FER: variants seen among roughly 807,000 people sequenced by gnomAD.
FER encodes the protein tyrosine-protein kinase Fer.
FER carries 63 observed loss-of-function variants against 111.0 expected under a neutral mutation model. The observed-to-expected ratio is 0.57, with a 90% CI of 0.46 to 0.70. FER has a LOEUF of 0.70. FER is among the 30% of genes least tolerant of loss of function. The pLI is 0.00. For missense variants in FER, 914 were observed against 954.0 expected (o/e 0.96, Z 0.55); for synonymous variants, 327 against 313.9 (o/e 1.04, Z -0.44).
chr5:108,996,454 G>T (rs886804897), intron 13 of FER, among the ~76,000 whole-genome samples: 1 of 152,150 alleles, frequency 6.6e-6, no homozygotes, highest in African/African-American at 2.4e-5. Flanking sequence ...TGTAAGGAAG[G>T]GGTCCAGTTT....
Position 108,790,158 on chromosome 5 carries a change from A to C in FER, c.-59-7966A>C, listed in dbSNP as rs575374474. Among the ~76,000 whole-genome samples the C allele has an allele frequency of 8.6e-5, 13 of 151,916 alleles. No homozygotes were observed. The South Asian group carries it at 2.7e-3, about 32-fold the overall frequency. ...ATGTGCTATTATTGTGCCTGTGAAT[A>C]GCCACTGCACTCCAGCCTGGACAAC... On this transcript the variant is annotated intron_variant, in intron 2 of 19. Coordinates refer to ENST00000281092, the MANE Select transcript of FER (RefSeq NM_005246.4).
chr5:108,849,344 C>G lies in FER; in HGVS notation c.481+13537C>G, dbSNP rs116302538. On this transcript the variant is annotated intron_variant, in intron 5 of 19. Coordinates refer to ENST00000281092, the MANE Select transcript of FER (RefSeq NM_005246.4). Reference sequence around the variant, plus strand: ...CCTAATGCTCTGATAATTTTTTTCCCCTTGTCTTTTTTTTGTTTCATTTTG... The same window carrying G: ...CCTAATGCTCTGATAATTTTTTTCCGCTTGTCTTTTTTTTGTTTCATTTTG... Among the ~76,000 whole-genome samples, 932 of 151,950 alleles carry G rather than the reference C, an allele frequency of 6.1e-3. 16 individuals are homozygous for G. The highest frequency in any genetic ancestry group is 0.022 in the African/African-American group (898 of 41,440).
intron 10 of FER, among the ~76,000 whole-genome samples, chr5:108,925,148 A>AAT (rs1753560574): frequency 1.3e-5 from 2 of 150,622 alleles, no homozygotes; most frequent in African/African-American, 4.9e-5. Flanking sequence ...CAGATTTTAA[A>AAT]CTGAGCCATG....
chr5:109,171,631 T>C (rs1385494633), intron 17 of FER, among the ~76,000 whole-genome samples: 4 of 152,192 alleles, frequency 2.6e-5, no homozygotes, highest in African/African-American at 4.8e-5. Flanking sequence ...TTTTAAGTTA[T>C]GTTATTTGTC....
At chr5:109,137,271 A>G (rs1752996913) in intron 17 of FER, among the ~76,000 whole-genome samples, 1 of 152,160 alleles carries the variant, frequency 6.6e-6, no homozygotes, top group Non-Finnish European at 1.5e-5. Flanking sequence ...AGAAAAAAGG[A>G]TGGACAAGAG....
At chr5:108,833,038 C>A in intron 4 of FER, 95 bp downstream of exon 4, 1 of 1,062,704 alleles carries the variant, frequency 9.4e-7, no homozygotes, top group Non-Finnish European at 1.4e-6. Context: ...GTTTATTCAT[C>A]ATTTCCCAAC....
rs115413320 is a variant in FER at position 108,882,440 on chromosome 5, C to T, written c.924-956C>T. On this transcript the variant is annotated intron_variant, in intron 8 of 19. Transcript: ENST00000281092. The stretch of plus-strand genomic sequence containing the variant: ...ATTTAATTTTTTCATGGTGAACTTC[C>T]GTTGTGTTAAGCATATGAACTTCAT... Among the ~76,000 whole-genome samples the T allele has an allele frequency of 6.2e-3, 941 of 151,556 alleles. 16 individuals carry two copies. Among genetic ancestry groups the T allele is most frequent in the African/African-American group, 0.022 (906 of 41,350 alleles).
chr5:109,043,766 A>T (rs1424093712), intron 14 of FER, among the ~76,000 whole-genome samples: 1 of 152,126 alleles, frequency 6.6e-6, no homozygotes, highest in Non-Finnish European at 1.5e-5. Context: ...AGGTCAAGAG[A>T]TCGAGACCAT....
intron 5 of FER, among the ~76,000 whole-genome samples, chr5:108,866,950 A>G (rs189913623): frequency 3.3e-4 from 51 of 152,308 alleles, no homozygotes; most frequent in Non-Finnish European, 5.4e-4. Context: ...CATTATCAGT[A>G]TCTCTCAGAC....
At chr5:108,908,618 T>C (rs1158002543) in intron 10 of FER, among the ~76,000 whole-genome samples, 1 of 151,888 alleles carries the variant, frequency 6.6e-6, no homozygotes, top group Non-Finnish European at 1.5e-5. Context: ...AATTTGTATT[T>C]GCTGAGGCAG....
intron 12 of FER, among the ~76,000 whole-genome samples, chr5:108,958,027 A>G (rs1758656113): frequency 6.6e-6 from 1 of 151,704 alleles, no homozygotes; most frequent in African/African-American, 2.4e-5. Context: ...TGAATTAACA[A>G]CTGCTTTGAA....
Position 109,066,802 on chromosome 5 carries a change from A to T in FER, c.1924+19604A>T, listed in dbSNP as rs374402845. The stretch of plus-strand genomic sequence containing the variant: ...TACAAAATACGCTGGTGAAAAATAC[A>T]TCAGTGATCTCTTTTCTCAAAGAAG... On this transcript the variant is annotated intron_variant, in intron 16 of 19. Transcript: ENST00000281092. 5.9e-5 allele frequency among the ~76,000 whole-genome samples: 9 copies of T among 152,330 alleles called. No individual in the cohort carries two copies. The East Asian group carries it at 1.7e-3, about 29-fold the overall frequency.
At chr5:109,126,403 A>G (rs1751733866) in intron 17 of FER, among the ~76,000 whole-genome samples, 1 of 152,180 alleles carries the variant, frequency 6.6e-6, no homozygotes. Flanking sequence ...CACCTTATCC[A>G]TTATACATGG....
chr5:109,020,239 G>T (rs1209420000), intron 13 of FER, among the ~76,000 whole-genome samples: 2 of 151,796 alleles, frequency 1.3e-5, no homozygotes, highest in Non-Finnish European at 1.5e-5. Flanking sequence ...AAAACATCTT[G>T]CCTTGAGCAA....
chr5:108,939,026 G>A lies in FER; in HGVS notation c.1237-7104G>A, dbSNP rs189864855. On this transcript the variant is annotated intron_variant, in intron 10 of 19. Coordinates refer to ENST00000281092, the MANE Select transcript of FER (RefSeq NM_005246.4). ...TGAATCTGTTTAAATTTGTTTAACT[G>A]TGCATTTCTAAAATCTGTGGGACTA... Among the ~76,000 whole-genome samples, 81 of 152,094 alleles carry A rather than the reference G, an allele frequency of 5.3e-4. 1 individual carries two copies. The highest frequency in any genetic ancestry group is 2.0e-3 in the Admixed American group (31 of 15,238).
rs144814416 is a variant in FER at position 108,769,932 on chromosome 5, CTGATGA to C, written c.-60+1714_-60+1719del. Among the ~76,000 whole-genome samples, 237 of 151,702 alleles carry C rather than the reference CTGATGA, an allele frequency of 1.6e-3. 9 individuals are homozygous for C. The East Asian group carries it at 0.034, about 22-fold the overall frequency. On this transcript the variant is annotated intron_variant, in intron 2 of 19. Transcript: ENST00000281092. The stretch of plus-strand genomic sequence containing the variant: ...AATACTTTATTTTGCTTTTTTTCCA[CTGATGA>C]TGATGATGATGATGATGATTTTTTT...
chr5:108,866,844 T>G (rs1242005827), intron 5 of FER, among the ~76,000 whole-genome samples: 1 of 152,134 alleles, frequency 6.6e-6, no homozygotes, highest in African/African-American at 2.4e-5. Flanking sequence ...TGCTTAAAAT[T>G]TTCATTTCTT....
At chr5:109,123,469 G>T (rs6894117) in intron 17 of FER, among the ~76,000 whole-genome samples, 59,624 of 149,984 alleles carry the variant, frequency 0.4, 11,979 homozygotes, top group African/African-American at 0.44. Flanking sequence ...TTTTTTGTTG[G>T]TTTTTTTTTA....
intron 11 of FER, among the ~76,000 whole-genome samples, chr5:108,953,433 A>G (rs1259793496): frequency 6.6e-6 from 1 of 152,104 alleles, no homozygotes; most frequent in Non-Finnish European, 1.5e-5. Context: ...TAAAAGTTTA[A>G]AATGTTATTT....
Sources: allele counts gnomAD v4.1 joint callset (sites outside exome capture counted in the v4.1 genomes callset), GRCh38; gene constraint gnomAD v4.1.1; transcripts MANE v1.5; gene names NCBI Gene and HGNC (gene_info 2026-07-23, HGNC 2026-07-21).